CCDC7: variants seen among roughly 807,000 people sequenced by gnomAD.
The protein encoded by CCDC7 is coiled-coil domain containing 7, also known as coiled-coil domain-containing protein 7.
Under a neutral mutation model 196.9 loss-of-function variants are expected in CCDC7, and 183 were observed. The observed-to-expected ratio is 0.93, with a 90% CI of 0.82 to 1.05. CCDC7 has a LOEUF of 1.05. CCDC7 is among the 50% of genes least tolerant of loss of function. The probability of loss-of-function intolerance (pLI) is 0.00; values close to 1 mark genes in which losing one functional copy is unlikely to be tolerated. For synonymous variants in CCDC7, 525 were observed against 484.6 expected (o/e 1.08, Z -1.10); for missense variants, 1,540 against 1,482.2 (o/e 1.04, Z -0.64).
At chr10:32,676,077 G>A (rs972768776) in intron 21 of CCDC7, among the ~76,000 whole-genome samples, 14 of 151,260 alleles carry the variant, frequency 9.3e-5, no homozygotes, top group African/African-American at 2.7e-4. Context: ...CAGAAATAAC[G>A]CCACATATCT....
rs569224105 is a variant in CCDC7, at chr10:32,652,711, C to T, written c.2015-11343C>T. Reference sequence around the variant, plus strand: ...AAAAAACTTTATACTTTACTCCTCACATTTTGACTTTTAGATATCTCAATT... The same window carrying T: ...AAAAAACTTTATACTTTACTCCTCATATTTTGACTTTTAGATATCTCAATT... On this transcript the variant is annotated intron_variant, in intron 20 of 41. Coordinates refer to ENST00000639629, the Ensembl canonical transcript of CCDC7. 8.5e-5 allele frequency among the ~76,000 whole-genome samples: 13 copies of T among 152,184 alleles called. 1 individual carries two copies. The South Asian group carries it at 2.7e-3, about 32-fold the overall frequency.
intron 29 of CCDC7, among the ~76,000 whole-genome samples, chr10:32,795,544 A>G (rs1448713824): frequency 1.3e-5 from 2 of 152,182 alleles, no homozygotes; most frequent in Admixed American, 6.5e-5. Flanking sequence ...AACTCTCATC[A>G]TCTCATTAGC....
At chr10:32,781,807 G>T (rs2081111068) in intron 29 of CCDC7, among the ~76,000 whole-genome samples, 2 of 152,280 alleles carry the variant, frequency 1.3e-5, no homozygotes, top group Non-Finnish European at 2.9e-5. Flanking sequence ...ATCTGGACCA[G>T]TTAGAATAGA....
At chr10:32,577,611 G>C (rs768256220) in intron 16 of CCDC7, among the ~76,000 whole-genome samples, 7 of 152,180 alleles carry the variant, frequency 4.6e-5, no homozygotes, top group Non-Finnish European at 7.3e-5. Context: ...ACCTTTGAGA[G>C]AGGCTTTTCC....
chr10:32,634,247 T>C lies in CCDC7; in HGVS notation c.1802-7T>C, dbSNP rs2065282624. The C allele has an allele frequency of 2.6e-6, 3 of 1,154,702 alleles. No individual in the cohort carries two copies. Among genetic ancestry groups the C allele is most frequent in the Non-Finnish European group, 3.3e-6 (3 of 917,968 alleles). The allele number at this position is 1,154,702 out of a possible 1,614,324, so 71.5% of individuals were successfully genotyped here. A position where few individuals can be genotyped will look rare whatever the true frequency, so the allele number is the denominator to read the frequency against. ...ATTTGGTAGACTAAATGAATCTTTT[T>C]ATGTAGCTGACAGTGAAGTTCCAGA... On this transcript the variant is annotated splice_polypyrimidine_tract_variant and splice_region_variant and intron_variant, in intron 18 of 41. Coordinates refer to ENST00000639629, the Ensembl canonical transcript of CCDC7.
chr10:32,584,601 C>T (rs1415010567), intron 18 of CCDC7, among the ~76,000 whole-genome samples: 1 of 150,828 alleles, frequency 6.6e-6, no homozygotes, highest in African/African-American at 2.4e-5. Context: ...ATTAAAAATA[C>T]AAAAATTAGC....
intron 29 of CCDC7, among the ~76,000 whole-genome samples, chr10:32,785,321 G>A (rs2081668830): frequency 6.6e-6 from 1 of 152,008 alleles, no homozygotes; most frequent in Admixed American, 6.5e-5. Flanking sequence ...AGAACTAAAT[G>A]ATAAAAAAGA....
intron 18 of CCDC7, among the ~76,000 whole-genome samples, chr10:32,610,232 G>A: frequency 6.6e-6 from 1 of 151,982 alleles, no homozygotes; most frequent in Non-Finnish European, 1.5e-5. Context: ...AGCCTCCCGA[G>A]TAGCTGGGGC....
chr10:32,552,423 C>T (rs1385909990), intron 13 of CCDC7, among the ~76,000 whole-genome samples: 3 of 152,146 alleles, frequency 2.0e-5, no homozygotes, highest in African/African-American at 7.2e-5. Flanking sequence ...CTGTTGCATT[C>T]ATCGTGCTCT....
intron 2 of CCDC7, among the ~76,000 whole-genome samples, chr10:32,454,618 A>G (rs2133423395): frequency 6.6e-6 from 1 of 152,268 alleles, no homozygotes; most frequent in East Asian, 1.9e-4. Flanking sequence ...AATGAAATTA[A>G]GTTCACTTTC....
intron 27 of CCDC7, 117 bp from the exon 29 acceptor site, chr10:32,729,215 C>A: frequency 9.3e-7 from 1 of 1,071,804 alleles, no homozygotes; most frequent in Non-Finnish European, 1.4e-6. Context: ...ACTGCCTCCA[C>A]ACATGCTCAT....
chr10:32,847,887 A>T (rs767721841), exon 38 of CCDC7: 5 of 1,610,030 alleles, frequency 3.1e-6, no homozygotes, highest in Non-Finnish European at 3.4e-6. Flanking sequence ...ACAATTGGTG[A>T]GATAAAGACA....
At chr10:32,729,361 A>G (rs768602947) in exon 28 of CCDC7, 3 of 1,562,076 alleles carry the variant, frequency 1.9e-6, no homozygotes, top group East Asian at 2.3e-5. Context: ...AAAAAAGGAT[A>G]TATCACTTGA....
intron 21 of CCDC7, among the ~76,000 whole-genome samples, chr10:32,684,028 G>A (rs1282749624): frequency 6.6e-6 from 1 of 152,176 alleles, no homozygotes; most frequent in African/African-American, 2.4e-5. Context: ...GGCCTATTGT[G>A]TTACCTCTGG....
At chr10:32,766,094 A>G (rs2078249549) in intron 28 of CCDC7, among the ~76,000 whole-genome samples, 1 of 151,988 alleles carries the variant, frequency 6.6e-6, no homozygotes, top group South Asian at 2.1e-4. Flanking sequence ...CTCTAGATAT[A>G]TTAGTAAGAT....
intron 20 of CCDC7, among the ~76,000 whole-genome samples, chr10:32,658,656 A>T (rs1390122947): frequency 1.3e-5 from 2 of 152,224 alleles, no homozygotes; most frequent in Non-Finnish European, 2.9e-5. Context: ...GTATATATAC[A>T]CAACGAAATA....
chr10:32,845,183 T>C, intron 33 of CCDC7, 60 bp from the exon 35 acceptor site: 2 of 991,560 alleles, frequency 2.0e-6, no homozygotes, highest in African/African-American at 1.6e-5. Context: ...CACATACACA[T>C]ACTCAGATTT....
At chr10:32,681,785 A>ACACT (rs2075896106) in intron 21 of CCDC7, among the ~76,000 whole-genome samples, 1 of 146,562 alleles carries the variant, frequency 6.8e-6, no homozygotes, top group Non-Finnish European at 1.5e-5. Context: ...ACACACACAC[A>ACACT]GCTTCATACA....
At chr10:32,584,330 GA>G in intron 18 of CCDC7, 26 bp downstream of exon 19, 1 of 1,442,524 alleles carries the variant, frequency 6.9e-7, no homozygotes, top group Non-Finnish European at 9.6e-7. Flanking sequence ...TTTGGAAGAT[GA>G]AAATGTGATT....
Sources: gnomAD v4.1 joint callset for allele counts (sites outside exome capture counted in the v4.1 genomes callset) on GRCh38, gnomAD v4.1.1 for gene constraint, MANE v1.5 for transcripts, NCBI Gene and HGNC (gene_info 2026-07-23, HGNC 2026-07-21) for gene names.